ITSN1: variants seen among roughly 807,000 people sequenced by gnomAD.
ITSN1 encodes the protein intersectin-1.
Under a neutral mutation model 239.8 loss-of-function variants are expected in ITSN1, and 58 were observed. That is an observed-to-expected ratio of 0.24 (90% CI 0.20 to 0.30). The LOEUF (loss-of-function observed/expected upper bound fraction) is 0.30, where lower values mean the gene tolerates loss of function less well. Ranked by LOEUF, ITSN1 falls within the 10% of genes least tolerant of loss-of-function variation. The pLI is 1.00. For synonymous variants in ITSN1, 780 were observed against 770.8 expected (o/e 1.01, Z -0.20); for missense variants, 1,558 against 2,103.3 (o/e 0.74, Z 5.07).
intron 30 of ITSN1, among the ~76,000 whole-genome samples, chr21:33,858,252 G>T (rs1979747354): frequency 6.6e-6 from 1 of 152,212 alleles, no homozygotes; most frequent in Admixed American, 6.5e-5. Flanking sequence ...CGCCTGGGCT[G>T]CTCCTCTCAG....
chr21:33,888,371 C>T lies in ITSN1; in HGVS notation c.*71C>T, dbSNP rs1986105930. On this transcript the variant is annotated 3_prime_UTR_variant, in exon 40 of 40. Transcript: ENST00000381318. ...CACATGCTGTCTGGAAATTGTATTC[C>T]TTTTCTAAGAAACCACCATTTGGTA... The T allele has an allele frequency of 4.1e-6, 6 of 1,446,204 alleles. No homozygotes were observed. Among genetic ancestry groups the T allele is most frequent in the Non-Finnish European group, 5.6e-6 (6 of 1,073,016 alleles). 89.6% of individuals were successfully genotyped at this position (1,446,204 alleles called of 1,614,324 possible).
At chr21:33,826,674 G>T (rs1403476044) in intron 25 of ITSN1, 144 bp from the exon 26 acceptor site, 5 of 650,260 alleles carry the variant, frequency 7.7e-6, no homozygotes, top group Admixed American at 5.0e-5. Flanking sequence ...CTATATCCTT[G>T]TGTCAGGTGA....
intron 13 of ITSN1, 35 bp downstream of exon 13, chr21:33,774,913 T>C: frequency 6.2e-7 from 1 of 1,603,992 alleles, no homozygotes; most frequent in Non-Finnish European, 8.5e-7. Context: ...GAAAATATAC[T>C]AAGATGGAAC....
In ITSN1 at chr21:33,896,495, A is replaced by T. The variant is rs1986788807; in HGVS notation, c.*8195A>T. The T allele has an allele frequency of 6.6e-6, 1 of 152,226 alleles. No homozygotes were observed. The highest frequency in any genetic ancestry group is 2.4e-5 in the African/African-American group (1 of 41,396). 9.4% of individuals were successfully genotyped at this position (152,226 alleles called of 1,614,324 possible). A position where few individuals can be genotyped will look rare whatever the true frequency, so the allele number is the denominator to read the frequency against. On this transcript the variant is annotated 3_prime_UTR_variant, in exon 40 of 40. Transcript: ENST00000381318. ...GCCTTCACCCCCTGGAGAGAAGGGGAGTCTGCGGAGCCAGTGCCTCCCTGC... is the reference window on the plus strand; with the variant it reads ...GCCTTCACCCCCTGGAGAGAAGGGGTGTCTGCGGAGCCAGTGCCTCCCTGC...
chr21:33,872,412 A>G (rs1982904405), intron 33 of ITSN1, among the ~76,000 whole-genome samples: 1 of 152,270 alleles, frequency 6.6e-6, no homozygotes, highest in South Asian at 2.1e-4. Flanking sequence ...TAAAACCCTC[A>G]AAATGATAAT....
At chr21:33,828,031 A>G (rs1254228746) in intron 26 of ITSN1, among the ~76,000 whole-genome samples, 5 of 152,226 alleles carry the variant, frequency 3.3e-5, no homozygotes, top group Admixed American at 3.3e-4. Flanking sequence ...CACCCCACCA[A>G]ATCTCCGTTT....
At chr21:33,863,201 T>C (rs143521044) in intron 31 of ITSN1, among the ~76,000 whole-genome samples, 146 of 152,304 alleles carry the variant, frequency 9.6e-4, no homozygotes, top group African/African-American at 3.3e-3. Flanking sequence ...CCATAGTAAA[T>C]CAGGCTTTAA....
Position 33,882,400 on chromosome 21 carries a change from G to T in ITSN1, c.4499G>T (p.Gly1500Val). The change falls in exon 35 of 40, where the codon GGC becomes GTC. Residue 1500 changes from glycine to valine, a missense_variant. Coordinates refer to ENST00000381318, the MANE Select transcript of ITSN1 (RefSeq NM_003024.3). This position sits in a 1 kb window ranked among gnomAD's most constrained non-coding sequence, Gnocchi z 4.5. The stretch of plus-strand genomic sequence containing the variant: ...ATCACGAAGCCTTTGGGGTCTTCTG[G>T]CACCGACAAAGTCTTCAGCCCCAAA... ...TQITKPLGSS[G>V]TDKVFSPKSN... is the part of the protein sequence containing the mutation. 4 of 1,614,084 alleles carry T rather than the reference G, an allele frequency of 2.5e-6. No homozygotes were observed. The highest frequency in any genetic ancestry group is 3.4e-6 in the Non-Finnish European group (4 of 1,180,030).
intron 1 of ITSN1, among the ~76,000 whole-genome samples, chr21:33,713,473 A>T (rs188573225): frequency 5.6e-4 from 84 of 151,274 alleles, no homozygotes; most frequent in Middle Eastern, 3.5e-3. Flanking sequence ...CAATCTGCTG[A>T]CCTCATGATC....
intron 28 of ITSN1, among the ~76,000 whole-genome samples, chr21:33,835,696 CGA>C (rs1475203029): frequency 6.6e-6 from 1 of 152,092 alleles, no homozygotes; most frequent in Non-Finnish European, 1.5e-5. Flanking sequence ...TTTGGGAGGC[CGA>C]GGCGGGCGGA....
chr21:33,792,394 C>T (rs765604465), intron 16 of ITSN1, among the ~76,000 whole-genome samples: 2 of 151,954 alleles, frequency 1.3e-5, no homozygotes, highest in Non-Finnish European at 2.9e-5. Context: ...TTAGTAGAGA[C>T]GGGGTTTCTC....
intron 33 of ITSN1, 45 bp downstream of exon 33, chr21:33,867,376 G>A: frequency 9.6e-7 from 1 of 1,041,812 alleles, no homozygotes; most frequent in Non-Finnish European, 1.5e-6. Context: ...GGCTTTCTCT[G>A]CATTGGAGAG....
chr21:33,842,847 A>G (rs1436955545), intron 29 of ITSN1, among the ~76,000 whole-genome samples: 1 of 152,162 alleles, frequency 6.6e-6, no homozygotes, highest in Admixed American at 6.5e-5. Context: ...TTGATCTGCC[A>G]GTTTTCATCA....
chr21:33,676,854 T>C (rs1286923105), intron 1 of ITSN1, among the ~76,000 whole-genome samples: 1 of 152,118 alleles, frequency 6.6e-6, no homozygotes. Flanking sequence ...TGTGAACTCA[T>C]CCTTTTCTAT....
At chr21:33,856,668 C>A in intron 29 of ITSN1, 68 bp from the exon 30 acceptor site, 1 of 1,606,020 alleles carries the variant, frequency 6.2e-7, no homozygotes, top group South Asian at 1.1e-5. Context: ...CCACGAGGAT[C>A]TTCCGTGTGA....
intron 1 of ITSN1, among the ~76,000 whole-genome samples, chr21:33,697,755 C>G (rs2091860427): frequency 6.6e-6 from 1 of 151,992 alleles, no homozygotes; most frequent in Non-Finnish European, 1.5e-5. Context: ...CTTTCAGGAA[C>G]TTGATATAAT....
rs922342390 is a variant in ITSN1 at position 33,797,592 on chromosome 21, A to G, written c.2166A>G (p.Ala722=). 5 of 1,613,856 alleles carry G rather than the reference A, an allele frequency of 3.1e-6. No homozygotes were observed. Among genetic ancestry groups the G allele is most frequent in the Non-Finnish European group, 4.2e-6 (5 of 1,179,768 alleles). Residue 722 remains alanine, a synonymous_variant, in exon 18 of 40, where the codon GCA becomes GCG. Transcript: ENST00000381318. The surrounding 1 kb of genome is among the most constrained non-coding windows in gnomAD (Gnocchi z 4.9). ...HQEPAKPAVQ[A]PWSTAEKGPL... is the part of the protein sequence containing the mutation. ...AACCAGCTAAGCCAGCTGTCCAGGCACCCTGGTCCACTGCAGGTATTAGAA... is the reference window on the plus strand; with the variant it reads ...AACCAGCTAAGCCAGCTGTCCAGGCGCCCTGGTCCACTGCAGGTATTAGAA...
intron 33 of ITSN1, among the ~76,000 whole-genome samples, chr21:33,871,183 A>C (rs1982651083): frequency 6.6e-6 from 1 of 151,580 alleles, no homozygotes; most frequent in Non-Finnish European, 1.5e-5. Flanking sequence ...AACAACGTAT[A>C]TGTTCATTAA....
intron 1 of ITSN1, among the ~76,000 whole-genome samples, chr21:33,700,766 A>G (rs546345499): frequency 6.6e-6 from 1 of 152,218 alleles, no homozygotes; most frequent in South Asian, 2.1e-4. Flanking sequence ...CTTCATTTAT[A>G]TAAGAGGATT....
Sources: gnomAD v4.1 joint callset for allele counts (sites outside exome capture counted in the v4.1 genomes callset) on GRCh38, gnomAD v4.1.1 for gene constraint, Gnocchi (gnomAD v3.1) non-coding constraint, MANE v1.5 for transcripts, NCBI Gene and HGNC (gene_info 2026-07-23, HGNC 2026-07-21) for gene names.